The following RPL31 variants were observed in gnomAD, a reference collection of about 807,000 sequenced individuals.
RPL31 encodes ribosomal protein L31, also known as large ribosomal subunit protein eL31.
For missense variants in RPL31, 95 were observed against 164.0 expected, an observed-to-expected ratio of 0.58 and a Z score of 2.30; for synonymous variants, 51 against 55.0, an observed-to-expected ratio of 0.93 and a Z score of 0.32.
At chr2:101,017,639 G>A (rs778691209) in intron 4 of RPL31, among the ~76,000 whole-genome samples, 10 of 152,312 alleles carry the variant, frequency 6.6e-5, no homozygotes, top group Middle Eastern at 3.4e-3. Flanking sequence ...AGCAGACCAT[G>A]CTGTGCAAAG....
At chr2:101,009,384 C>T (rs542894631), downstream of RPL31, among the ~76,000 whole-genome samples, 8 of 141,478 alleles carry the variant, frequency 5.7e-5, no homozygotes, top group African/African-American at 1.3e-4. Flanking sequence ...CTAGCCTGGG[C>T]GACAGAGTGA....
rs554689236 is a variant in RPL31 at position 101,016,540 on chromosome 2, G to C, written c.347-2458G>C. ...GCGATTCCTCAGGGATCTAGAACTA[G>C]AAATACCATTTGACCCAGCCATCCC... On this transcript the variant is annotated intron_variant, in intron 4 of 4. Coordinates refer to the RPL31 transcript ENST00000409028. 6.5e-3 allele frequency among the ~76,000 whole-genome samples: 983 copies of C among 152,250 alleles called. 4 individuals carry two copies. Among genetic ancestry groups the C allele is most frequent in the African/African-American group, 0.022 (917 of 41,542 alleles).
chr2:101,004,533 A>G (rs1437994751), intron 3 of RPL31: 2 of 464,640 alleles, frequency 4.3e-6, no homozygotes, highest in Non-Finnish European at 7.5e-6. Context: ...AGAGAGAGGA[A>G]GCTTGGCAGG....
At chr2:101,016,642 C>T (rs375398906) in intron 4 of RPL31, among the ~76,000 whole-genome samples, 1 of 152,078 alleles carries the variant, frequency 6.6e-6, no homozygotes, top group Non-Finnish European at 1.5e-5. Flanking sequence ...TATTGCGGCA[C>T]TATTCACAAT....
downstream of RPL31, chr2:101,011,198 G>T (rs1679182200): frequency 1.4e-6 from 1 of 715,492 alleles, no homozygotes; most frequent in Admixed American, 2.8e-5. Flanking sequence ...GTAACTGGGG[G>T]ACTTCTGCTC....
chr2:101,007,758 A>G, downstream of RPL31: 1 of 1,527,856 alleles, frequency 6.5e-7, no homozygotes, highest in Non-Finnish European at 8.9e-7. Context: ...GCTGACCCCA[A>G]GAAACAGTCT....
intron 3 of RPL31, 63 bp from the exon 4 acceptor site, chr2:101,005,896 A>C (rs1310409969): frequency 7.3e-7 from 1 of 1,370,372 alleles, no homozygotes; most frequent in Non-Finnish European, 1.0e-6. Flanking sequence ...ATGTGAATAC[A>C]GCTAGTGGCT....
downstream of RPL31, among the ~76,000 whole-genome samples, chr2:101,009,800 T>G (rs189264446): frequency 6.6e-5 from 10 of 151,220 alleles, no homozygotes; most frequent in African/African-American, 2.4e-4. Context: ...CCAAAATGAC[T>G]TAAGTCCTAT....
chr2:101,009,586 G>A (rs933240127), downstream of RPL31, among the ~76,000 whole-genome samples: 15 of 152,006 alleles, frequency 9.9e-5, no homozygotes, highest in African/African-American at 3.6e-4. Flanking sequence ...TGATAGCTCT[G>A]AGTGATGAAG....
At position 101,006,775 on chromosome 2, in the gene RPL31, A is replaced by G; in HGVS notation, c.*394A>G. ...ATCTATCTGTAGCATCTTAAAGGTA[A>G]TGAAATTAATGTGGCAGTAGGTCTT... On this transcript the variant is annotated 3_prime_UTR_variant, in exon 5 of 5. Transcript: ENST00000264258. 6.0e-6 allele frequency: 1 copy of G among 167,546 alleles called. No homozygotes were observed. Among genetic ancestry groups the G allele is most frequent in the Non-Finnish European group, 1.3e-5 (1 of 78,680 alleles). 10.4% of individuals were successfully genotyped at this position (167,546 alleles called of 1,614,324 possible). A position where few individuals can be genotyped will look rare whatever the true frequency, so the allele number is the denominator to read the frequency against.
At chr2:101,009,881 G>A (rs1306057851), downstream of RPL31, among the ~76,000 whole-genome samples, 14 of 150,876 alleles carry the variant, frequency 9.3e-5, no homozygotes, top group Non-Finnish European at 2.1e-4. Flanking sequence ...GAGTGCAGTG[G>A]TGCGATCTCG....
chr2:101,011,163 G>T (rs147506461), downstream of RPL31: 1,605 of 848,020 alleles, frequency 1.9e-3, 22 homozygotes, highest in African/African-American at 0.024. Context: ...GAAAGCAAGA[G>T]ATTCCCCTGG....
intron 3 of RPL31, chr2:101,005,671 A>C: frequency 2.7e-6 from 1 of 372,148 alleles, no homozygotes; most frequent in Non-Finnish European, 4.8e-6. Flanking sequence ...ACAAAAGACT[A>C]ACACATTTGG....
downstream of RPL31, chr2:101,011,219 C>G (rs1054186831): frequency 1.0e-5 from 7 of 686,130 alleles, no homozygotes; most frequent in African/African-American, 1.8e-5. Flanking sequence ...TAAGAGGACC[C>G]GTGAAACAGC....
intron 4 of RPL31, among the ~76,000 whole-genome samples, chr2:101,017,512 A>G (rs1199448947): frequency 6.6e-6 from 1 of 152,184 alleles, no homozygotes; most frequent in Admixed American, 6.5e-5. Flanking sequence ...TCTCGCTGTA[A>G]TCCTATGGGA....
intron 4 of RPL31, among the ~76,000 whole-genome samples, chr2:101,017,042 T>C (rs1679702591): frequency 6.6e-6 from 1 of 151,148 alleles, no homozygotes. Context: ...AACCTGCACA[T>C]TGTGCACATG....
chr2:101,017,403 T>C (rs1679735346), intron 4 of RPL31, among the ~76,000 whole-genome samples: 1 of 152,246 alleles, frequency 6.6e-6, no homozygotes, highest in South Asian at 2.1e-4. Context: ...TATACTTTTA[T>C]ACAACGGCAA....
chr2:101,016,418 G>T (rs992541999), intron 4 of RPL31, among the ~76,000 whole-genome samples: 9 of 152,164 alleles, frequency 5.9e-5, no homozygotes, highest in African/African-American at 1.9e-4. Flanking sequence ...AAAAAGTCAG[G>T]AAACAACAGG....
At chr2:101,011,461 C>T (rs780635730), downstream of RPL31, 97 of 1,613,766 alleles carry the variant, frequency 6.0e-5, 1 homozygote, top group Admixed American at 1.5e-3. Context: ...CATTGGGTTT[C>T]CCGAAAACCA....
Sources: allele counts gnomAD v4.1 joint callset (sites outside exome capture counted in the v4.1 genomes callset), GRCh38; gene constraint gnomAD v4.1.1; transcripts MANE v1.5; gene names NCBI Gene and HGNC (gene_info 2026-07-23, HGNC 2026-07-21).